Variants in TSPAN9 observed in about 807,000 individuals in gnomAD.
The protein encoded by TSPAN9 is tetraspanin 9, also known as tetraspanin-9.
TSPAN9 carries 16 observed loss-of-function variants against 31.0 expected under a neutral mutation model. The observed-to-expected ratio is 0.52, with a 90% CI of 0.35 to 0.78. The LOEUF is 0.78. Among genes scored for constraint, TSPAN9 ranks in the 30% least tolerant of loss-of-function variants. TSPAN9 has a pLI of 0.01. For synonymous variants in TSPAN9, 145 were observed against 121.6 expected (o/e 1.19, Z -1.27); for missense variants, 272 against 312.5 (o/e 0.87, Z 0.98).
At chr12:3,222,201 AG>A (rs968551797) in intron 3 of TSPAN9, among the ~76,000 whole-genome samples, 5 of 152,166 alleles carry the variant, frequency 3.3e-5, no homozygotes, top group East Asian at 1.9e-4. Flanking sequence ...GGCATGCAGA[AG>A]GGGGGGACGT....
At chr12:3,153,999 A>ATT (rs1242305759) in intron 2 of TSPAN9, among the ~76,000 whole-genome samples, 1 of 98,218 alleles carries the variant, frequency 1.0e-5, no homozygotes, top group Non-Finnish European at 2.1e-5. Flanking sequence ...ATATATTAGT[A>ATT]TTATATATAT....
chr12:3,185,469 C>T (rs995307288), intron 2 of TSPAN9, among the ~76,000 whole-genome samples: 1 of 152,156 alleles, frequency 6.6e-6, no homozygotes, highest in African/African-American at 2.4e-5. Flanking sequence ...ACTCACTTTC[C>T]CCATGGCTGG....
chr12:3,270,801 T>G (rs1000326617), intron 3 of TSPAN9, among the ~76,000 whole-genome samples: 9 of 152,210 alleles, frequency 5.9e-5, no homozygotes, highest in Non-Finnish European at 1.2e-4. Flanking sequence ...CAATATACAC[T>G]TCGGGATTTT....
chr12:3,095,506 C>G (rs1420779284), intron 2 of TSPAN9, among the ~76,000 whole-genome samples: 1 of 124,256 alleles, frequency 8.0e-6, no homozygotes, highest in East Asian at 2.3e-4. Context: ...GGGACTGACC[C>G]CCCCCCACCT....
intron 1 of TSPAN9, among the ~76,000 whole-genome samples, chr12:3,081,844 G>GTATATACATATATATA (rs2098298074): frequency 3.4e-5 from 4 of 116,738 alleles, no homozygotes; most frequent in Non-Finnish European, 6.7e-5. Flanking sequence ...GTCTGTGTGT[G>GTATATACATATATATA]TATATATATG....
At chr12:3,174,663 A>G (rs909164179) in intron 2 of TSPAN9, among the ~76,000 whole-genome samples, 7 of 151,932 alleles carry the variant, frequency 4.6e-5, no homozygotes, top group Admixed American at 2.6e-4. Flanking sequence ...GCTCACTGCA[A>G]GCTCCGCCTC....
chr12:3,152,695 C>T (rs889344776), intron 2 of TSPAN9, among the ~76,000 whole-genome samples: 5 of 152,148 alleles, frequency 3.3e-5, no homozygotes, highest in African/African-American at 9.7e-5. Context: ...AAGCAATTCT[C>T]CCTGCCCCCG....
intron 3 of TSPAN9, among the ~76,000 whole-genome samples, chr12:3,260,622 C>T (rs1486203058): frequency 2.0e-5 from 3 of 152,226 alleles, no homozygotes; most frequent in African/African-American, 7.2e-5. Flanking sequence ...AGATCCAGGC[C>T]TGCTTTCAAA....
chr12:3,262,506 C>T (rs554297530), intron 3 of TSPAN9, among the ~76,000 whole-genome samples: 223 of 151,958 alleles, frequency 1.5e-3, no homozygotes, highest in Middle Eastern at 3.4e-3. Context: ...ACTTTGTTCT[C>T]GGTGCCTCTT....
At chr12:3,137,673 T>G (rs2153967448) in intron 2 of TSPAN9, among the ~76,000 whole-genome samples, 1 of 152,230 alleles carries the variant, frequency 6.6e-6, no homozygotes, top group East Asian at 1.9e-4. Context: ...GCGTCCTCCC[T>G]GTTGTGCTCC....
intron 2 of TSPAN9, among the ~76,000 whole-genome samples, chr12:3,133,276 G>C (rs2098330636): frequency 6.6e-6 from 1 of 152,128 alleles, no homozygotes; most frequent in Admixed American, 6.5e-5. Flanking sequence ...GTCCCGGGAG[G>C]CCTGGTCTGT....
chr12:3,198,266 C>G (rs2098368458), intron 2 of TSPAN9, among the ~76,000 whole-genome samples: 1 of 112,410 alleles, frequency 8.9e-6, no homozygotes, highest in African/African-American at 3.2e-5. Context: ...TCACCACCAG[C>G]ACAGGCCACC....
At chr12:3,268,703 TCC>T (rs1452334245) in intron 3 of TSPAN9, among the ~76,000 whole-genome samples, 5 of 108,588 alleles carry the variant, frequency 4.6e-5, no homozygotes, top group Admixed American at 1.7e-4. Flanking sequence ...CAGCCTGCCC[TCC>T]GTGCGTTCCT....
rs187026422 is a variant in TSPAN9 at position 3,192,480 on chromosome 12, C to T, written c.-17-8697C>T. Among the ~76,000 whole-genome samples the T allele has an allele frequency of 2.5e-3, 374 of 152,220 alleles. 2 individuals carry two copies. Among genetic ancestry groups the T allele is most frequent in the African/African-American group, 8.2e-3 (341 of 41,516 alleles). ...GCTTCGAGGTGGGAGCAAGTGACAA[C>T]CGGGAGCCAAGGATGAGTCTGAGGC... On this transcript the variant is annotated intron_variant, in intron 2 of 8. Transcript: ENST00000011898. This position sits in a 1 kb window ranked among gnomAD's most constrained non-coding sequence, Gnocchi z 4.6.
Position 3,081,844 on chromosome 12 carries a change from G to GTGTGTGTATATATATATA in TSPAN9, c.-84-1808_-84-1807insGTGTGTATATATATATAT, listed in dbSNP as rs57812985. The stretch of plus-strand genomic sequence containing the variant: ...TGTGTGTGTGTGTGTGTCTGTGTGT[G>GTGTGTGTATATATATATA]TATATATATGCCAGGTGTGGTGGTA... On this transcript the variant is annotated intron_variant, in intron 1 of 8. Transcript: ENST00000011898. Among the ~76,000 whole-genome samples, 120 of 116,764 alleles carry GTGTGTGTATATATATATA rather than the reference G, an allele frequency of 1.0e-3. 1 individual carries two copies. The highest frequency in any genetic ancestry group is 4.1e-3 in the African/African-American group (113 of 27,442). 76.6% of individuals were successfully genotyped at this position (116,764 alleles called of 152,430 possible). A position where few individuals can be genotyped will look rare whatever the true frequency, so the allele number is the denominator to read the frequency against.
At chr12:3,109,177 C>A (rs543223474) in intron 2 of TSPAN9, among the ~76,000 whole-genome samples, 1 of 151,806 alleles carries the variant, frequency 6.6e-6, no homozygotes, top group South Asian at 2.1e-4. Flanking sequence ...ACCTCGTGAT[C>A]CGCCCGCCTT....
intron 1 of TSPAN9, among the ~76,000 whole-genome samples, chr12:3,081,808 T>C (rs2098297948): frequency 1.7e-5 from 1 of 58,412 alleles, no homozygotes; most frequent in Non-Finnish European, 3.4e-5. Flanking sequence ...ATCTAAAAAA[T>C]TGTGTGTGTG....
intron 2 of TSPAN9, among the ~76,000 whole-genome samples, chr12:3,092,130 C>A (rs1050902370): frequency 2.6e-5 from 4 of 152,214 alleles, no homozygotes; most frequent in African/African-American, 9.6e-5. Context: ...GATAGAGCTC[C>A]TCAGCCTGCT....
intron 2 of TSPAN9, among the ~76,000 whole-genome samples, chr12:3,175,672 C>A (rs1266435641): frequency 6.6e-6 from 1 of 152,214 alleles, no homozygotes; most frequent in African/African-American, 2.4e-5. Context: ...GCCCAGATTT[C>A]TTTCGCTGTT....
Sources: allele counts gnomAD v4.1 joint callset (sites outside exome capture counted in the v4.1 genomes callset), GRCh38; gene constraint gnomAD v4.1.1; non-coding constraint Gnocchi (gnomAD v3.1); transcripts MANE v1.5; gene names NCBI Gene and HGNC (gene_info 2026-07-23, HGNC 2026-07-21).